SQSTM1: variants seen among roughly 807,000 people sequenced by gnomAD.
SQSTM1 encodes the protein sequestosome-1.
Under a neutral mutation model 45.1 loss-of-function variants are expected in SQSTM1, and 36 were observed. That is an observed-to-expected ratio of 0.80 (90% confidence interval 0.61 to 1.05). The LOEUF is 1.05. SQSTM1 is among the 50% of genes least tolerant of loss of function. The pLI is 0.00. For synonymous variants in SQSTM1, 290 were observed against 244.3 expected, an observed-to-expected ratio of 1.19 and a Z score of -1.74; for missense variants, 617 against 607.1, an observed-to-expected ratio of 1.02 and a Z score of -0.17.
chr5:179,810,565 G>T (rs931523387), intron 1 of SQSTM1, among the ~76,000 whole-genome samples: 1 of 152,228 alleles, frequency 6.6e-6, no homozygotes, highest in African/African-American at 2.4e-5. Context: ...GAATAGTGCC[G>T]CAATAAACAT....
chr5:179,834,174 C>G (rs1189305343), intron 7 of SQSTM1, among the ~76,000 whole-genome samples: 3 of 132,390 alleles, frequency 2.3e-5, no homozygotes, highest in East Asian at 2.2e-4. Flanking sequence ...GGGTCATAGC[C>G]AAGATCCCTG....
chr5:179,822,954 C>T lies in SQSTM1; in HGVS notation c.206-4C>T, dbSNP rs370778198. The T allele has an allele frequency of 2.6e-5, 42 of 1,613,864 alleles. No individual in the cohort carries two copies. The highest frequency in any genetic ancestry group is 3.5e-5 in the Non-Finnish European group (41 of 1,179,870). ...GCTCACGTGCTGTCTTTTAAACAAT[C>T]TAGATGAGGACGGGGACTTGGTTGC... On this transcript the variant is annotated splice_polypyrimidine_tract_variant and splice_region_variant and intron_variant, in intron 1 of 7. Coordinates refer to ENST00000389805, the MANE Select transcript of SQSTM1 (RefSeq NM_003900.5).
chr5:179,811,359 CT>C (rs1216417175), intron 1 of SQSTM1, among the ~76,000 whole-genome samples: 56 of 75,078 alleles, frequency 7.5e-4, no homozygotes, highest in African/African-American at 2.6e-3. Context: ...GGGGGAGGAG[CT>C]ATGCAGGGGG....
intron 5 of SQSTM1, among the ~76,000 whole-genome samples, chr5:179,829,775 A>C (rs1338446103): frequency 2.6e-5 from 4 of 152,186 alleles, no homozygotes; most frequent in African/African-American, 9.7e-5. Flanking sequence ...AGAAAACTGA[A>C]AGGAGGAAAT....
chr5:179,837,425 AAG>A lies in SQSTM1; in HGVS notation c.*835_*836del, dbSNP rs752607373. 7 of 1,604,050 alleles carry A rather than the reference AAG, an allele frequency of 4.4e-6. No individual in the cohort carries two copies. The African/African-American group carries it at 9.4e-5, about 22-fold the overall frequency. On this transcript the variant is annotated 3_prime_UTR_variant, in exon 8 of 8. Coordinates refer to ENST00000389805, the MANE Select transcript of SQSTM1 (RefSeq NM_003900.5). ...ATCATCGAAGTCTTCCCCAGTTATA[AAG>A]AGGTCACATAGTCGTGTGGGTCGAG...
At position 179,824,300 on chromosome 5, in the gene SQSTM1, GC is replaced by G; in HGVS notation, c.653del (p.Pro218LeufsTer17). 1 of 1,613,516 alleles carries G rather than the reference GC, an allele frequency of 6.2e-7. No individual in the cohort carries two copies. The highest frequency in any genetic ancestry group is 8.5e-7 in the Non-Finnish European group (1 of 1,179,998). ...SPRPPRAGEA[R>X]PGPTAESASG... ...CGTCCTCCTCGTGCAGGGGAGGCCC[GC>G]CCTGGCCCCACGGCAGAATCAGGTG... On this transcript the variant is annotated frameshift_variant, in exon 4 of 8. Coordinates refer to ENST00000389805, the MANE Select transcript of SQSTM1 (RefSeq NM_003900.5). LOFTEE classifies it high-confidence loss of function.
In SQSTM1 at chr5:179,837,501, T is replaced by C; in HGVS notation, c.*908T>C. On this transcript the variant is annotated 3_prime_UTR_variant, in exon 8 of 8. Transcript: ENST00000389805. ...GGCCCACCCTCTGCCCAGGGAGTCC[T>C]TGCGTCCCATGAGGTCTTCCCGCAA... is the stretch of plus-strand genomic sequence containing the variant. 3 of 1,614,166 alleles carry C rather than the reference T, an allele frequency of 1.9e-6. No individual in the cohort carries two copies. Among genetic ancestry groups the C allele is most frequent in the Non-Finnish European group, 2.5e-6 (3 of 1,180,002 alleles).
intron 1 of SQSTM1, chr5:179,822,340 T>C: frequency 5.8e-6 from 1 of 171,404 alleles, no homozygotes; most frequent in South Asian, 1.2e-4. Flanking sequence ...GACAGACATT[T>C]GGGTTGTTTG....
chr5:179,817,957 G>A (rs1757633231), upstream of SQSTM1, among the ~76,000 whole-genome samples: 1 of 140,918 alleles, frequency 7.1e-6, no homozygotes, highest in South Asian at 2.3e-4. Context: ...AGAGGTTGCA[G>A]TGAGCTGAGA....
chr5:179,837,353 A>G lies in SQSTM1; in HGVS notation c.*760A>G. On this transcript the variant is annotated 3_prime_UTR_variant, in exon 8 of 8. Coordinates refer to ENST00000389805, the MANE Select transcript of SQSTM1 (RefSeq NM_003900.5). ...GCCTTAGGGGAACCCTGTCCCTCCTAACAAGTGTATCTCGATTAATAACCT... is the reference window on the plus strand; with the variant it reads ...GCCTTAGGGGAACCCTGTCCCTCCTGACAAGTGTATCTCGATTAATAACCT... The G allele has an allele frequency of 1.9e-6, 3 of 1,583,144 alleles. No homozygotes were observed. The highest frequency in any genetic ancestry group is 2.6e-6 in the Non-Finnish European group (3 of 1,164,232).
Position 179,806,537 on chromosome 5 carries a change from A to G in SQSTM1, c.-211A>G. The G allele has an allele frequency of 7.5e-7, 1 of 1,334,858 alleles. No homozygotes were observed. Among genetic ancestry groups the G allele is most frequent in the Non-Finnish European group, 9.8e-7 (1 of 1,017,188 alleles). The allele number at this position is 1,334,858 out of a possible 1,614,324, so 82.7% of individuals were successfully genotyped here. On this transcript the variant is annotated 5_prime_UTR_variant, in exon 1 of 6. Transcript: ENST00000514093. This position sits in a 1 kb window ranked among gnomAD's most constrained non-coding sequence, Gnocchi z 4.6. ...CCAGGACAGCGAGAGGAAGGCGCAC[A>G]GGCAGAAGAGCAGCAGCGTCAGGAA...
At chr5:179,825,702 G>GA (rs961675356) in intron 5 of SQSTM1, among the ~76,000 whole-genome samples, 3 of 152,240 alleles carry the variant, frequency 2.0e-5, no homozygotes, top group African/African-American at 7.2e-5. Context: ...AGAGCGGGGA[G>GA]AAGGTGGAGG....
chr5:179,818,052 T>A (rs938771263), upstream of SQSTM1, among the ~76,000 whole-genome samples: 5 of 133,056 alleles, frequency 3.8e-5, no homozygotes, highest in African/African-American at 1.4e-4. Context: ...TGATGTCCAG[T>A]GCCTGGGGAT....
Position 179,821,037 on chromosome 5 carries a change from A to C in SQSTM1, c.101A>C (p.Glu34Ala). ...SFCCSPEPEA[E>A]AEAAAGPGPC... ...TGCTGCAGCCCCGAGCCTGAGGCGG[A>C]AGCCGAGGCTGCGGCGGGTCCGGGA... The change falls in exon 1 of 8, where the codon GAA (glutamate) becomes GCA (alanine). Residue 34 changes from glutamate (E) to alanine (A), a missense_variant. Glu to Ala is a moderately radical substitution (Grantham distance 107). Coordinates refer to ENST00000389805, the MANE Select transcript of SQSTM1 (RefSeq NM_003900.5). 1 of 1,553,444 alleles carries C rather than the reference A, an allele frequency of 6.4e-7. No individual in the cohort carries two copies. The highest frequency in any genetic ancestry group is 8.6e-7 in the Non-Finnish European group (1 of 1,159,282).
upstream of SQSTM1, chr5:179,820,650 T>G: frequency 2.7e-6 from 1 of 371,098 alleles, no homozygotes. Flanking sequence ...CAGGCCTGTA[T>G]GAGTGCCAGG....
At position 179,837,790 on chromosome 5, in the gene SQSTM1, A is replaced by G. The variant is rs748746630; in HGVS notation, c.*1197A>G. 6.2e-7 allele frequency: 1 copy of G among 1,614,038 alleles called. No individual in the cohort carries two copies. Among genetic ancestry groups the G allele is most frequent in the African/African-American group, 1.3e-5 (1 of 74,966 alleles). Reference sequence around the variant, plus strand: ...GGATGGGACTCCATAGCTCCTTCCCAGGACCCCTCAGCTCCCCGGCACTGC... The same window carrying G: ...GGATGGGACTCCATAGCTCCTTCCCGGGACCCCTCAGCTCCCCGGCACTGC... On this transcript the variant is annotated 3_prime_UTR_variant, in exon 8 of 8. Coordinates refer to ENST00000389805, the MANE Select transcript of SQSTM1 (RefSeq NM_003900.5).
rs910060240 is a variant in SQSTM1 at position 179,836,992 on chromosome 5, C to T, written c.*399C>T. 1.6e-6 allele frequency: 1 copy of T among 612,160 alleles called. No individual in the cohort carries two copies. Among genetic ancestry groups the T allele is most frequent in the East Asian group, 2.7e-5 (1 of 36,612 alleles). 37.9% of individuals were successfully genotyped at this position (612,160 alleles called of 1,614,324 possible). A position where few individuals can be genotyped will look rare whatever the true frequency, so the allele number is the denominator to read the frequency against. ...ATTATTTTCTGCTACAGACCTGGTA[C>T]ACTCTGATTTTAGATAAAGTAAGCC... On this transcript the variant is annotated 3_prime_UTR_variant, in exon 8 of 8. Transcript: ENST00000389805.
upstream of SQSTM1, among the ~76,000 whole-genome samples, chr5:179,818,181 C>A (rs1467585849): frequency 1.3e-5 from 2 of 152,042 alleles, no homozygotes; most frequent in African/African-American, 4.8e-5. Context: ...AGGGAAAAGT[C>A]ACCAGGTAGA....
intron 5 of SQSTM1, among the ~76,000 whole-genome samples, chr5:179,826,085 T>C (rs528755025): frequency 5.9e-4 from 90 of 152,078 alleles, no homozygotes; most frequent in African/African-American, 2.1e-3. Context: ...AGAATGCTGC[T>C]AGGAGGGGCG....
Sources: allele counts gnomAD v4.1 joint callset (sites outside exome capture counted in the v4.1 genomes callset), GRCh38; gene constraint gnomAD v4.1.1; non-coding constraint Gnocchi (gnomAD v3.1); transcripts MANE v1.5; gene names NCBI Gene and HGNC (gene_info 2026-07-23, HGNC 2026-07-21).